Variants in ADCY5 observed in about 807,000 individuals in gnomAD.
The protein encoded by ADCY5 is adenylate cyclase type 5.
In ADCY5, 30 loss-of-function variants were observed where a neutral mutation model predicts 119.7. That is an observed-to-expected ratio of 0.25 (90% CI 0.19 to 0.34). The LOEUF (loss-of-function observed/expected upper bound fraction) is 0.34, where lower values mean the gene tolerates loss of function less well. Among genes scored for constraint, ADCY5 ranks in the 10% least tolerant of loss-of-function variants. ADCY5 has a pLI of 1.00. For synonymous variants in ADCY5, 753 were observed against 762.2 expected (o/e 0.99, Z 0.20); for missense variants, 1,324 against 1,775.2 (o/e 0.75, Z 4.57).
chr3:123,346,631 CTCTCTCTCTCTG>C (rs1264281877), intron 3 of ADCY5, among the ~76,000 whole-genome samples: 3 of 110,992 alleles, frequency 2.7e-5, no homozygotes, highest in Non-Finnish European at 4.3e-5. Context: ...CTCTCTCTCT[CTCTCTCTCTCTG>C]TGTGTATGTG....
chr3:123,400,743 G>T (rs557889862), intron 1 of ADCY5, among the ~76,000 whole-genome samples: 2 of 152,130 alleles, frequency 1.3e-5, no homozygotes, highest in South Asian at 4.2e-4. Context: ...TCAGGGGTTC[G>T]AGACCAGCCT....
intron 2 of ADCY5, among the ~76,000 whole-genome samples, chr3:123,348,690 C>T (rs557695174): frequency 1.3e-5 from 2 of 152,252 alleles, no homozygotes; most frequent in South Asian, 2.1e-4. Context: ...GGCCACATCA[C>T]GGAGGCTCAC....
intron 1 of ADCY5, among the ~76,000 whole-genome samples, chr3:123,413,403 C>G (rs1446453220): frequency 2.0e-5 from 3 of 152,182 alleles, no homozygotes; most frequent in African/African-American, 7.2e-5. Context: ...GGCCTCTGAT[C>G]CCAGCCTGAG....
chr3:123,448,066 CAG>C lies in ADCY5; in HGVS notation c.478_479del (p.Leu160GlyfsTer167). The C allele has an allele frequency of 8.0e-7, 1 of 1,247,190 alleles. No individual in the cohort carries two copies. The highest frequency in any genetic ancestry group is 1.0e-6 in the Non-Finnish European group (1 of 993,788). The allele number at this position is 1,247,190 out of a possible 1,614,324, so 77.3% of individuals were successfully genotyped here. On this transcript the variant is annotated frameshift_variant, in exon 1 of 21. Transcript: ENST00000462833. LOFTEE classifies it high-confidence loss of function. Reference sequence around the variant, plus strand: ...CGCGCCCCTTGCCCCGCCGCTCCTCCAGACCCACCTCCACCGAGCGAGGGCGC... The same window carrying C: ...CGCGCCCCTTGCCCCGCCGCTCCTCCACCCACCTCCACCGAGCGAGGGCGC... ...EVRPRSVEVG[L>X]EERRGKGRAA...
At chr3:123,446,938 C>T (rs534367536) in intron 1 of ADCY5, among the ~76,000 whole-genome samples, 3 of 152,198 alleles carry the variant, frequency 2.0e-5, no homozygotes, top group Non-Finnish European at 4.4e-5. Flanking sequence ...CATGCTACCT[C>T]CTCCTTACCA....
At chr3:123,328,939 A>G (rs1294369422) in intron 5 of ADCY5, 137 bp from the exon 6 acceptor site, 2 of 955,992 alleles carry the variant, frequency 2.1e-6, no homozygotes, top group Admixed American at 2.4e-5. Flanking sequence ...CCTAGAGTCC[A>G]AGAACGTTCA....
chr3:123,369,075 G>C (rs1449993418), intron 1 of ADCY5, among the ~76,000 whole-genome samples: 1 of 152,182 alleles, frequency 6.6e-6, no homozygotes, highest in East Asian at 1.9e-4. Context: ...CAAATTCACA[G>C]GTCAATTGGA....
intron 3 of ADCY5, among the ~76,000 whole-genome samples, chr3:123,346,664 T>A (rs78519666): frequency 0.077 from 11,331 of 147,744 alleles, 586 homozygotes; most frequent in Middle Eastern, 0.17. Context: ...TGTGTGTGTG[T>A]GAGAGAGAGA....
At chr3:123,396,755 AAGGAAGGAAGGAAGGAAGGAAGGAAGGC>A (rs1232058016) in intron 1 of ADCY5, among the ~76,000 whole-genome samples, 13 of 84,152 alleles carry the variant, frequency 1.5e-4, no homozygotes, top group South Asian at 1.1e-3. Flanking sequence ...GGAAGGAAGG[AAGGAAGGAAGGAAGGAAGGAAGGAAGGC>A]AGGCAGGCAG....
intron 12 of ADCY5, among the ~76,000 whole-genome samples, chr3:123,311,569 T>C (rs1219263404): frequency 6.6e-6 from 1 of 152,234 alleles, no homozygotes; most frequent in Non-Finnish European, 1.5e-5. Context: ...TTGGGCTCTG[T>C]GTTCCAGAAA....
chr3:123,372,586 T>C (rs950486413), intron 1 of ADCY5, among the ~76,000 whole-genome samples: 1 of 152,156 alleles, frequency 6.6e-6, no homozygotes, highest in Non-Finnish European at 1.5e-5. Context: ...ATGCCTAAGA[T>C]GACAGAGCAA....
At chr3:123,396,652 G>A (rs1014429566) in intron 1 of ADCY5, among the ~76,000 whole-genome samples, 1 of 147,046 alleles carries the variant, frequency 6.8e-6, no homozygotes, top group African/African-American at 2.5e-5. Context: ...GACAGAAAGA[G>A]AGAGAGAGGG....
At chr3:123,363,438 T>C (rs866673166) in intron 1 of ADCY5, among the ~76,000 whole-genome samples, 6 of 152,188 alleles carry the variant, frequency 3.9e-5, no homozygotes, top group African/African-American at 1.4e-4. Flanking sequence ...TTTGGCAATA[T>C]GTATGAAGAG....
At chr3:123,353,019 C>T (rs767603422) in intron 1 of ADCY5, among the ~76,000 whole-genome samples, 4 of 152,162 alleles carry the variant, frequency 2.6e-5, no homozygotes, top group South Asian at 2.1e-4. Context: ...AGATCAGCTC[C>T]GATGAATCAA....
At chr3:123,348,439 G>A (rs1942679242) in intron 2 of ADCY5, among the ~76,000 whole-genome samples, 1 of 152,186 alleles carries the variant, frequency 6.6e-6, no homozygotes, top group Admixed American at 6.5e-5. Flanking sequence ...TCCTCCTTCA[G>A]AAAGCTTCCG....
At chr3:123,328,956 A>G (rs571321458) in intron 5 of ADCY5, among the ~76,000 whole-genome samples, 154 bp from the exon 6 acceptor site, 1 of 152,244 alleles carries the variant, frequency 6.6e-6, no homozygotes, top group South Asian at 2.1e-4. Context: ...TTCAGCCTGA[A>G]GGGCACTGGG....
At chr3:123,335,441 A>C (rs1396837157) in intron 3 of ADCY5, among the ~76,000 whole-genome samples, 1 of 152,186 alleles carries the variant, frequency 6.6e-6, no homozygotes, top group African/African-American at 2.4e-5. Context: ...TTCGCACCTC[A>C]TAACCACCCC....
intron 1 of ADCY5, among the ~76,000 whole-genome samples, chr3:123,386,620 C>T (rs945701282): frequency 7.2e-5 from 11 of 152,166 alleles, no homozygotes; most frequent in African/African-American, 2.4e-4. Context: ...CATACCCCGA[C>T]CCTCCCTCAA....
chr3:123,408,976 A>AAAAAT (rs1485910301), intron 1 of ADCY5, among the ~76,000 whole-genome samples: 4 of 152,254 alleles, frequency 2.6e-5, no homozygotes, highest in African/African-American at 7.2e-5. Context: ...CTCTAACTCA[A>AAAAAT]AAAATAAAAT....
Sources: allele counts gnomAD v4.1 joint callset (sites outside exome capture counted in the v4.1 genomes callset), GRCh38; gene constraint gnomAD v4.1.1; transcripts MANE v1.5; gene names NCBI Gene and HGNC (gene_info 2026-07-23, HGNC 2026-07-21).